FANCA: variants seen among roughly 807,000 people sequenced by gnomAD.
The protein encoded by FANCA is FA complementation group A.
In FANCA, 236 loss-of-function variants were observed where a neutral mutation model predicts 194.3. The observed-to-expected ratio is 1.21, with a 90% CI of 1.09 to 1.35. The LOEUF (loss-of-function observed/expected upper bound fraction) is 1.35, where lower values mean the gene tolerates loss of function less well. FANCA is among the 40% of genes most tolerant of loss of function. The pLI, the probability that FANCA is intolerant of heterozygous loss-of-function variation, is 0.00. For missense variants in FANCA, 2,628 were observed against 1,813.9 expected (o/e 1.45, Z -8.15); for synonymous variants, 1,014 against 715.8 (o/e 1.42, Z -6.65).
At chr16:89,794,594 G>A (rs2040181678) in intron 11 of FANCA, among the ~76,000 whole-genome samples, 1 of 152,042 alleles carries the variant, frequency 6.6e-6, no homozygotes, top group Non-Finnish European at 1.5e-5. Context: ...TCATGGTGGG[G>A]ATGCTGTTCA....
chr16:89,791,167 C>G (rs1297755975), intron 14 of FANCA: 4 of 585,784 alleles, frequency 6.8e-6, no homozygotes, highest in Non-Finnish European at 9.1e-6. Context: ...GCTGAGGCCC[C>G]GACAGGGAGA....
At chr16:89,744,692 A>G (rs1762854100) in intron 36 of FANCA, 1 of 477,924 alleles carries the variant, frequency 2.1e-6, no homozygotes, top group Non-Finnish European at 3.8e-6. Flanking sequence ...TTTTCTGGAC[A>G]GAGTCTTGCT....
intron 30 of FANCA, among the ~76,000 whole-genome samples, chr16:89,753,986 G>A (rs1015469570): frequency 2.0e-5 from 3 of 152,298 alleles, no homozygotes; most frequent in East Asian, 1.9e-4. Flanking sequence ...CCTGGAAGGC[G>A]GAGGTTGCAG....
rs1039657256 is a variant in FANCA at position 89,761,235 on chromosome 16, C to T, written c.2852+714G>A. ...GAGATTGAGACCACCCTGGTTAACA[C>T]GGTGAAACCCCGTCTCTACCAAAAA... On this transcript the variant is annotated intron_variant, in intron 29 of 42. Transcript: ENST00000389301. 1.2e-4 allele frequency among the ~76,000 whole-genome samples: 18 copies of T among 152,020 alleles called. 1 individual carries two copies. The South Asian group carries it at 2.1e-3, about 18-fold the overall frequency.
intron 27 of FANCA, among the ~76,000 whole-genome samples, chr16:89,766,235 T>C (rs1019267882): frequency 6.6e-6 from 1 of 151,932 alleles, no homozygotes; most frequent in East Asian, 2.0e-4. Context: ...GACCTCATGA[T>C]CTGCCCGCCT....
chr16:89,813,605 G>A (rs1479521393), intron 3 of FANCA, among the ~76,000 whole-genome samples: 1 of 151,928 alleles, frequency 6.6e-6, no homozygotes, highest in Non-Finnish European at 1.5e-5. Context: ...GCTAATTTTT[G>A]TGTTTTTTAG....
At position 89,738,349 on chromosome 16, in the gene FANCA, C is replaced by G. The variant is rs17233797; in HGVS notation, c.*252G>C. On this transcript the variant is annotated 3_prime_UTR_variant, in exon 43 of 43. Coordinates refer to ENST00000389301, the MANE Select transcript of FANCA (RefSeq NM_000135.4). ...CGCATGGGAGGGTCGGAGGGTGCTG[C>G]CCGCCCTTGGTGCTGGAGGCGGGCT... is the stretch of plus-strand genomic sequence containing the variant. 5.8e-3 allele frequency: 8,620 copies of G among 1,480,672 alleles called. 445 individuals carry two copies. The African/African-American group carries it at 0.11, about 18-fold the overall frequency. The allele number at this position is 1,480,672 out of a possible 1,614,324, so 91.7% of individuals were successfully genotyped here. A position where few individuals can be genotyped will look rare whatever the true frequency, so the allele number is the denominator to read the frequency against.
In FANCA at chr16:89,771,671, C is replaced by T. The variant is rs2039330078; in HGVS notation, c.2151+7G>A. 3.7e-6 allele frequency: 6 copies of T among 1,614,104 alleles called. No homozygotes were observed. In the African/African-American group the frequency reaches 4.0e-5, roughly 11 times the overall value. On this transcript the variant is annotated splice_region_variant and intron_variant, in intron 23 of 42. Transcript: ENST00000389301. ...CCCCCTGCTTTGTTCTGAGCCCCTACACCTACCATGTGTTCCCGTGGCTCC... is the reference window on the plus strand; with the variant it reads ...CCCCCTGCTTTGTTCTGAGCCCCTATACCTACCATGTGTTCCCGTGGCTCC...
intron 15 of FANCA, among the ~76,000 whole-genome samples, chr16:89,784,649 T>C (rs1300685526): frequency 1.3e-4 from 20 of 152,108 alleles, no homozygotes; most frequent in Non-Finnish European, 2.5e-4. Context: ...ACGCACTCAC[T>C]GTGTGTCCAC....
chr16:89,764,054 C>G (rs12925427), intron 28 of FANCA, among the ~76,000 whole-genome samples: 63,869 of 151,494 alleles, frequency 0.42, 14,761 homozygotes, highest in East Asian at 0.76. Context: ...CCAGCCTGGA[C>G]AACATGGTGA....
In FANCA at chr16:89,738,086, G is replaced by A. The variant is rs780532307; in HGVS notation, c.*515C>T. ...TTTGCCTGTGACCAGTGTGGCCGGC[G>A]GTTTGAGAAGGCCCACAACCTCAAT... On this transcript the variant is annotated 3_prime_UTR_variant, in exon 43 of 43. Coordinates refer to ENST00000389301, the MANE Select transcript of FANCA (RefSeq NM_000135.4). The A allele has an allele frequency of 2.5e-5, 40 of 1,613,918 alleles. No individual in the cohort carries two copies. Among genetic ancestry groups the A allele is most frequent in the African/African-American group, 4.0e-5 (3 of 74,920 alleles).
chr16:89,784,793 C>G, intron 15 of FANCA, 61 bp downstream of exon 15: 1 of 1,331,466 alleles, frequency 7.5e-7, no homozygotes, highest in Non-Finnish European at 1.1e-6. Context: ...CCAAGGCAGT[C>G]CTCAGATGCA....
intron 37 of FANCA, among the ~76,000 whole-genome samples, chr16:89,742,140 C>A (rs550003978): frequency 6.6e-6 from 1 of 152,134 alleles, no homozygotes; most frequent in African/African-American, 2.4e-5. Context: ...CCACACCCGA[C>A]TAATTTTTGT....
Position 89,737,645 on chromosome 16 carries a change from TTAA to T in FANCA, c.*953_*955del, listed in dbSNP as rs2061982050. Reference sequence around the variant, plus strand: ...CAGTGTATAAAGCAGTTTAAAGATCTTAATAAACGAGGCCCTCATAGGCCCCTT... The same window carrying T: ...CAGTGTATAAAGCAGTTTAAAGATCTTAAACGAGGCCCTCATAGGCCCCTT... On this transcript the variant is annotated 3_prime_UTR_variant, in exon 43 of 43. Coordinates refer to ENST00000389301, the MANE Select transcript of FANCA (RefSeq NM_000135.4). 1 of 1,391,308 alleles carries T rather than the reference TTAA, an allele frequency of 7.2e-7. No individual in the cohort carries two copies. The allele number at this position is 1,391,308 out of a possible 1,614,324, so 86.2% of individuals were successfully genotyped here.
intron 20 of FANCA, among the ~76,000 whole-genome samples, chr16:89,777,260 T>C (rs1347808007): frequency 4.6e-5 from 7 of 151,962 alleles, no homozygotes; most frequent in African/African-American, 1.7e-4. Context: ...AGCACGCCTC[T>C]AGACCCAGCT....
intron 14 of FANCA, among the ~76,000 whole-genome samples, chr16:89,790,689 C>T (rs878942798): frequency 6.6e-6 from 1 of 151,276 alleles, no homozygotes; most frequent in East Asian, 1.9e-4. Context: ...AGAAGGTGAG[C>T]TTTCTGTACC....
intron 20 of FANCA, among the ~76,000 whole-genome samples, chr16:89,776,432 G>C (rs542341458): frequency 1.3e-5 from 2 of 151,844 alleles, no homozygotes; most frequent in South Asian, 4.2e-4. Flanking sequence ...CTCCCAAAGT[G>C]CTGGGATTAC....
At position 89,765,924 on chromosome 16, in the gene FANCA, C is replaced by A. The variant is rs531458276; in HGVS notation, c.2602-858G>T. Among the ~76,000 whole-genome samples the A allele has an allele frequency of 2.0e-5, 3 of 152,262 alleles. No homozygotes were observed. The South Asian group carries it at 6.2e-4, about 32-fold the overall frequency. ...CTGACTTAATTTATCTGGAAAGGGG[C>A]CAGGAATCTATAGTTTCAAAAGCTT... On this transcript the variant is annotated intron_variant, in intron 27 of 42. Transcript: ENST00000389301.
At chr16:89,794,422 C>T (rs900546162) in intron 11 of FANCA, among the ~76,000 whole-genome samples, 2 of 151,040 alleles carry the variant, frequency 1.3e-5, no homozygotes. Flanking sequence ...TGGTGGCAGG[C>T]GCCTGTAATT....
Sources: allele counts gnomAD v4.1 joint callset (sites outside exome capture counted in the v4.1 genomes callset), GRCh38; gene constraint gnomAD v4.1.1; transcripts MANE v1.5; gene names NCBI Gene and HGNC (gene_info 2026-07-23, HGNC 2026-07-21).